The following KMT2C variants were observed in gnomAD, a reference collection of about 807,000 sequenced individuals.
KMT2C encodes histone-lysine N-methyltransferase 2C.
A neutral mutation model predicts 507.9 loss-of-function variants in KMT2C; 88 were observed. That is an observed-to-expected ratio of 0.17 (90% CI 0.15 to 0.21). The LOEUF (loss-of-function observed/expected upper bound fraction) is 0.21, where lower values mean the gene tolerates loss of function less well. Among genes scored for constraint, KMT2C ranks in the 10% least tolerant of loss-of-function variants. KMT2C has a pLI of 1.00. For synonymous variants in KMT2C, 2,049 were observed against 2,080.8 expected (o/e 0.98, Z 0.42); for missense variants, 4,954 against 5,957.8 (o/e 0.83, Z 5.55).
Position 152,148,310 on chromosome 7 carries a change from C to G in KMT2C, c.13617G>C (p.Val4539=), listed in dbSNP as rs755377785. 1 of 1,614,260 alleles carries G rather than the reference C, an allele frequency of 6.2e-7. No homozygotes were observed. The highest frequency in any genetic ancestry group is 1.1e-5 in the South Asian group (1 of 91,090). ...RDEVRQIASI[V]QRGERDHTFR... ...AGGTATGGTCCCGTTCTCCTCGTTG[C>G]ACGATGCTAGCAATCTGTCGCACCT... Residue 4539 remains valine (V), a synonymous_variant, in exon 52 of 59, where the codon GTG becomes GTC. Transcript: ENST00000262189. This position sits in a 1 kb window ranked among gnomAD's most constrained non-coding sequence, Gnocchi z 7.1.
chr7:152,293,935 G>A (rs1365961978), intron 6 of KMT2C, among the ~76,000 whole-genome samples: 1 of 151,830 alleles, frequency 6.6e-6, no homozygotes, highest in Non-Finnish European at 1.5e-5. Flanking sequence ...TCAGCTGACT[G>A]CAACCTCTGC....
chr7:152,300,885 C>T (rs2096560246), intron 6 of KMT2C, among the ~76,000 whole-genome samples: 5 of 151,988 alleles, frequency 3.3e-5, no homozygotes, highest in Admixed American at 3.3e-4. Context: ...TGGCGAAACC[C>T]CGTCTCTACT....
intron 2 of KMT2C, among the ~76,000 whole-genome samples, chr7:152,337,973 C>T (rs1376041760): frequency 6.6e-6 from 1 of 152,104 alleles, no homozygotes; most frequent in East Asian, 1.9e-4. Context: ...TCTCCTGCCT[C>T]AGCCTCCCAA....
chr7:152,394,631 T>G (rs1449111105), intron 1 of KMT2C, among the ~76,000 whole-genome samples: 1 of 152,202 alleles, frequency 6.6e-6, no homozygotes, highest in Non-Finnish European at 1.5e-5. Flanking sequence ...TCCATAAAAC[T>G]TAACATCTTC....
intron 1 of KMT2C, chr7:152,368,315 T>G: frequency 8.4e-7 from 1 of 1,192,086 alleles, no homozygotes; most frequent in African/African-American, 1.5e-5. Context: ...TATAATGGAG[T>G]TGATAACAAC....
chr7:152,398,678 G>C (rs933856992), intron 1 of KMT2C, among the ~76,000 whole-genome samples: 1 of 151,948 alleles, frequency 6.6e-6, no homozygotes, highest in Admixed American at 6.6e-5. Context: ...GAGATTATAA[G>C]CGTGAGCCCC....
chr7:152,249,685 A>AAAAAAAAAAAAC (rs2095532543), intron 13 of KMT2C, among the ~76,000 whole-genome samples, 191 bp downstream of exon 13: 1 of 150,448 alleles, frequency 6.6e-6, no homozygotes, highest in African/African-American at 2.5e-5. Context: ...AAAAAAAAAA[A>AAAAAAAAAAAAC]AAAAAAAAAA....
intron 6 of KMT2C, among the ~76,000 whole-genome samples, chr7:152,300,077 TC>T (rs2096553390): frequency 6.6e-6 from 1 of 152,240 alleles, no homozygotes; most frequent in Non-Finnish European, 1.5e-5. Flanking sequence ...AGAACACTTA[TC>T]ACAGCCTGTC....
At chr7:152,239,100 C>T in intron 14 of KMT2C, 1 of 269,664 alleles carries the variant, frequency 3.7e-6, no homozygotes, top group Non-Finnish European at 7.0e-6. Flanking sequence ...GTTTATAGGA[C>T]ATCAACATTG....
In KMT2C at chr7:152,187,993, C is replaced by T. The variant is rs2093675652; in HGVS notation, c.4661-146G>A. 4.0e-6 allele frequency: 3 copies of T among 752,384 alleles called. No individual in the cohort carries two copies. In the South Asian group the frequency reaches 6.1e-5, roughly 15 times the overall value. 46.6% of individuals were successfully genotyped at this position (752,384 alleles called of 1,614,324 possible). ...TTCAACTGAATGTGGATAGAAAACA[C>T]AGGGAAACCCATGCATAGAGAGGAC... On this transcript the variant is annotated intron_variant, in intron 31 of 58. Coordinates refer to ENST00000262189, the MANE Select transcript of KMT2C (RefSeq NM_170606.3).
chr7:152,339,930 A>G (rs1283074475), intron 2 of KMT2C, among the ~76,000 whole-genome samples: 1 of 152,180 alleles, frequency 6.6e-6, no homozygotes, highest in Admixed American at 6.5e-5. Context: ...GTAAACACTG[A>G]CATTCATTAT....
At chr7:152,190,833 T>C (rs1046739342) in intron 31 of KMT2C, among the ~76,000 whole-genome samples, 1 of 152,202 alleles carries the variant, frequency 6.6e-6, no homozygotes, top group Non-Finnish European at 1.5e-5. Context: ...GTTACTCCAC[T>C]GAAGATTAGC....
At chr7:152,215,658 G>T in intron 23 of KMT2C, among the ~76,000 whole-genome samples, 1 of 140,478 alleles carries the variant, frequency 7.1e-6, no homozygotes. Flanking sequence ...GTAAATAGTA[G>T]TAAGACAAAA....
intron 27 of KMT2C, among the ~76,000 whole-genome samples, chr7:152,198,957 A>C (rs1459262319): frequency 1.3e-5 from 2 of 152,198 alleles, no homozygotes; most frequent in East Asian, 3.9e-4. Flanking sequence ...ATGATTAACA[A>C]AAATCTATCT....
At chr7:152,305,381 C>T (rs930658749) in intron 6 of KMT2C, among the ~76,000 whole-genome samples, 1 of 152,192 alleles carries the variant, frequency 6.6e-6, no homozygotes, top group Non-Finnish European at 1.5e-5. Context: ...GGGGGCAACA[C>T]ATGCATTATG....
rs1369071587 is a variant in KMT2C at position 152,260,700 on chromosome 7, A to C, written c.1299+2316T>G. Among the ~76,000 whole-genome samples, 4 of 152,388 alleles carry C rather than the reference A, an allele frequency of 2.6e-5. No homozygotes were observed. The East Asian group carries it at 7.7e-4, about 29-fold the overall frequency. ...ACTGTGCCAAGTTCTTATAGCCTAA[A>C]GGGAACAGTCTCTTTCAGACATGTA... On this transcript the variant is annotated intron_variant, in intron 9 of 58. Coordinates refer to ENST00000262189, the MANE Select transcript of KMT2C (RefSeq NM_170606.3).
At chr7:152,189,531 C>T (rs1418688942) in intron 31 of KMT2C, among the ~76,000 whole-genome samples, 3 of 152,036 alleles carry the variant, frequency 2.0e-5, no homozygotes, top group Non-Finnish European at 4.4e-5. Flanking sequence ...AAGTCTCATA[C>T]ACGTACATTT....
intron 1 of KMT2C, among the ~76,000 whole-genome samples, chr7:152,404,438 C>A (rs2747125): frequency 0.014 from 1,460 of 102,084 alleles, no homozygotes; most frequent in African/African-American, 0.056. Context: ...AGTTCAAGAC[C>A]AGCCTGGTCA....
At chr7:152,414,640 C>T (rs1055790533) in intron 1 of KMT2C, among the ~76,000 whole-genome samples, 209 of 151,008 alleles carry the variant, frequency 1.4e-3, no homozygotes, top group Admixed American at 2.9e-3. Context: ...GGATTACAGG[C>T]GCCCGGCATC....
Sources: gnomAD v4.1 joint callset for allele counts (sites outside exome capture counted in the v4.1 genomes callset) on GRCh38, gnomAD v4.1.1 for gene constraint, Gnocchi (gnomAD v3.1) non-coding constraint, MANE v1.5 for transcripts, NCBI Gene and HGNC (gene_info 2026-07-23, HGNC 2026-07-21) for gene names.